The following DNER variants were observed in gnomAD, a reference collection of about 807,000 sequenced individuals.
DNER encodes delta and Notch-like epidermal growth factor-related receptor.
DNER carries 33 observed loss-of-function variants against 78.2 expected under a neutral mutation model. The ratio of observed to expected loss-of-function variants is 0.42; its 90% CI spans 0.32 to 0.56. The LOEUF (loss-of-function observed/expected upper bound fraction) is 0.56, where lower values mean the gene tolerates loss of function less well. Among genes scored for constraint, DNER ranks in the 20% least tolerant of loss-of-function variants. DNER has a pLI of 0.11. For synonymous variants in DNER, 417 were observed against 384.8 expected, an observed-to-expected ratio of 1.08 and a Z score of -0.98; for missense variants, 918 against 975.3, an observed-to-expected ratio of 0.94 and a Z score of 0.78.
At chr2:229,621,704 C>T (rs535413821) in intron 1 of DNER, among the ~76,000 whole-genome samples, 39 of 152,316 alleles carry the variant, frequency 2.6e-4, no homozygotes, top group Non-Finnish European at 4.7e-4. Context: ...CCTGGCCTGA[C>T]CCTCACTCCT....
At chr2:229,515,026 T>TA (rs1553536807) in intron 5 of DNER, among the ~76,000 whole-genome samples, 3 of 151,978 alleles carry the variant, frequency 2.0e-5, no homozygotes, top group African/African-American at 4.8e-5. Context: ...TAATTTTTTT[T>TA]AAAAAAATCC....
intron 10 of DNER, among the ~76,000 whole-genome samples, chr2:229,401,817 T>A (rs1295975388): frequency 6.6e-6 from 1 of 152,088 alleles, no homozygotes; most frequent in Non-Finnish European, 1.5e-5. Flanking sequence ...GCTTCAATAA[T>A]CTCAAACTAA....
chr2:229,357,725 GATAA>G lies in DNER; in HGVS notation c.*811_*814del, dbSNP rs2106322313. On this transcript the variant is annotated 3_prime_UTR_variant, in exon 13 of 13. Coordinates refer to ENST00000341772, the MANE Select transcript of DNER (RefSeq NM_139072.4). ...AATACAGCCACAAAAACATCCTGGA[GATAA>G]ATAAAGCTGCACTATGAGAAATACT... The G allele has an allele frequency of 6.6e-6, 1 of 152,294 alleles. No individual in the cohort carries two copies. Among genetic ancestry groups the G allele is most frequent in the East Asian group, 1.9e-4 (1 of 5,182 alleles). The allele number at this position is 152,294 out of a possible 1,614,324, so 9.4% of individuals were successfully genotyped here.
chr2:229,551,041 T>C (rs1163662885), intron 4 of DNER, among the ~76,000 whole-genome samples: 1 of 152,186 alleles, frequency 6.6e-6, no homozygotes, highest in African/African-American at 2.4e-5. Context: ...TTACTCAAAG[T>C]ATTGCTTGAC....
chr2:229,661,446 A>T (rs1398905202), intron 1 of DNER, among the ~76,000 whole-genome samples: 5 of 152,170 alleles, frequency 3.3e-5, no homozygotes, highest in Non-Finnish European at 7.4e-5. Context: ...CAAGACCAGG[A>T]AATAGAGATC....
chr2:229,522,744 C>T (rs1418589298), intron 5 of DNER, among the ~76,000 whole-genome samples: 1 of 152,172 alleles, frequency 6.6e-6, no homozygotes, highest in Non-Finnish European at 1.5e-5. Context: ...AATGATAAAT[C>T]AGTGAAGCAG....
At chr2:229,379,930 C>T (rs1200187000) in intron 11 of DNER, among the ~76,000 whole-genome samples, 1 of 152,108 alleles carries the variant, frequency 6.6e-6, no homozygotes, top group South Asian at 2.1e-4. Context: ...TAGTTCTCAC[C>T]CATCTTTAGC....
At chr2:229,635,220 G>A (rs573396456) in intron 1 of DNER, among the ~76,000 whole-genome samples, 8 of 151,992 alleles carry the variant, frequency 5.3e-5, no homozygotes, top group South Asian at 4.2e-4. Flanking sequence ...CTGTCTCCTC[G>A]GCAGCAACCA....
At chr2:229,413,002 A>G (rs1362561501) in intron 9 of DNER, among the ~76,000 whole-genome samples, 3 of 152,234 alleles carry the variant, frequency 2.0e-5, no homozygotes, top group Non-Finnish European at 4.4e-5. Context: ...GGACACAAAA[A>G]GTCAAAGAAG....
intron 1 of DNER, among the ~76,000 whole-genome samples, chr2:229,630,953 T>C (rs1414082268): frequency 6.8e-6 from 1 of 147,770 alleles, no homozygotes; most frequent in African/African-American, 2.4e-5. Flanking sequence ...TCCATGTTGC[T>C]GGAAAGGACA....
chr2:229,373,200 A>C (rs1692526112), intron 11 of DNER, among the ~76,000 whole-genome samples: 1 of 152,232 alleles, frequency 6.6e-6, no homozygotes, highest in African/African-American at 2.4e-5. Flanking sequence ...GATGCATCCA[A>C]GAAAGGTCTA....
chr2:229,670,854 A>G (rs934694810), intron 1 of DNER, among the ~76,000 whole-genome samples: 15 of 152,194 alleles, frequency 9.9e-5, no homozygotes, highest in Non-Finnish European at 2.1e-4. Flanking sequence ...CTAATTTAAT[A>G]TTAGTCTAAA....
intron 8 of DNER, among the ~76,000 whole-genome samples, chr2:229,440,837 G>A (rs1209802564): frequency 6.6e-6 from 1 of 152,140 alleles, no homozygotes; most frequent in South Asian, 2.1e-4. Flanking sequence ...TGATGATCCC[G>A]ATCCTCACAT....
At chr2:229,395,140 G>C (rs2106339115) in intron 10 of DNER, among the ~76,000 whole-genome samples, 1 of 152,230 alleles carries the variant, frequency 6.6e-6, no homozygotes, top group East Asian at 1.9e-4. Flanking sequence ...TGGTTTTTGG[G>C]GGTGCCAGAG....
rs2154214627 is a variant in DNER at position 229,591,523 on chromosome 2, G to A, written c.585+57C>T. The A allele has an allele frequency of 6.5e-7, 1 of 1,537,026 alleles. No individual in the cohort carries two copies. The highest frequency in any genetic ancestry group is 8.8e-7 in the Non-Finnish European group (1 of 1,141,312). On this transcript the variant is annotated intron_variant, in intron 2 of 12. Coordinates refer to ENST00000341772, the MANE Select transcript of DNER (RefSeq NM_139072.4). This position sits in a 1 kb window ranked among gnomAD's most constrained non-coding sequence, Gnocchi z 4.6. ...AATTGCTGATACTAGAACCGCTGGA[G>A]TCACTTTAAGATTTCTGGTTTCTAA... is the stretch of plus-strand genomic sequence containing the variant.
intron 7 of DNER, among the ~76,000 whole-genome samples, chr2:229,456,670 C>A (rs1045212278): frequency 6.6e-6 from 1 of 151,948 alleles, no homozygotes; most frequent in African/African-American, 2.4e-5. Flanking sequence ...CCTGAAGTCA[C>A]CTCTATAGAA....
chr2:229,546,455 G>T (rs1482745271), intron 5 of DNER, among the ~76,000 whole-genome samples: 1 of 152,250 alleles, frequency 6.6e-6, no homozygotes, highest in Non-Finnish European at 1.5e-5. Context: ...TATCTATCAG[G>T]CTGGGCACAG....
chr2:229,395,667 G>GGAGGGCGGAT, intron 10 of DNER, among the ~76,000 whole-genome samples: 1 of 152,328 alleles, frequency 6.6e-6, no homozygotes, highest in South Asian at 2.1e-4. Context: ...GGGAGGCTGA[G>GGAGGGCGGAT]GAGGGCGGAT....
intron 6 of DNER, among the ~76,000 whole-genome samples, chr2:229,477,466 C>A (rs2154211333): frequency 6.6e-6 from 1 of 152,310 alleles, no homozygotes; most frequent in African/African-American, 2.4e-5. Context: ...ATCGTTTACT[C>A]TGCAAAAATC....
Sources: allele counts gnomAD v4.1 joint callset (sites outside exome capture counted in the v4.1 genomes callset), GRCh38; gene constraint gnomAD v4.1.1; non-coding constraint Gnocchi (gnomAD v3.1); transcripts MANE v1.5; gene names NCBI Gene and HGNC (gene_info 2026-07-23, HGNC 2026-07-21).